The following GTF3C2 variants were observed in gnomAD, a reference collection of about 807,000 sequenced individuals.
GTF3C2 encodes the protein general transcription factor 3C polypeptide 2.
A neutral mutation model predicts 117.4 loss-of-function variants in GTF3C2; 17 were observed. That is an observed-to-expected ratio of 0.14 (90% CI 0.10 to 0.22). The LOEUF (loss-of-function observed/expected upper bound fraction) is 0.22, where lower values mean the gene tolerates loss of function less well. Ranked by LOEUF, GTF3C2 falls within the 10% of genes least tolerant of loss-of-function variation. The pLI, the probability that GTF3C2 is intolerant of heterozygous loss-of-function variation, is 1.00. For synonymous variants in GTF3C2, 437 were observed against 427.0 expected (o/e 1.02, Z -0.29); for missense variants, 888 against 1,143.6 (o/e 0.78, Z 3.22).
intron 8 of GTF3C2, 28 bp from the exon 9 acceptor site, chr2:27,336,056 T>C (rs1680463100): frequency 6.6e-7 from 1 of 1,515,478 alleles, no homozygotes; most frequent in Non-Finnish European, 9.2e-7. Context: ...GTGGGGATGG[T>C]GGGTAGGAAG....
At chr2:27,354,393 G>C (rs569625833) in intron 1 of GTF3C2, among the ~76,000 whole-genome samples, 9 of 152,324 alleles carry the variant, frequency 5.9e-5, no homozygotes, top group African/African-American at 2.2e-4. Context: ...AGCATTTAGA[G>C]AGGAAATAAG....
chr2:27,339,008 C>T (rs747020351), intron 4 of GTF3C2, among the ~76,000 whole-genome samples: 6 of 152,148 alleles, frequency 3.9e-5, no homozygotes, highest in African/African-American at 1.2e-4. Flanking sequence ...TTTACATTTC[C>T]GTCATGTAAA....
intron 1 of GTF3C2, among the ~76,000 whole-genome samples, chr2:27,355,602 G>C (rs1289811781): frequency 6.6e-6 from 1 of 151,928 alleles, no homozygotes. Context: ...TAAAGGAATA[G>C]ATGATCAGTA....
chr2:27,342,779 C>T (rs750129782), intron 3 of GTF3C2, 47 bp downstream of exon 3: 2 of 1,402,712 alleles, frequency 1.4e-6, no homozygotes, highest in South Asian at 2.5e-5. Flanking sequence ...CCACCCTGAT[C>T]CCTTCACCCA....
chr2:27,347,181 TGTCTGTGACAAAGG>T (rs1477833516), intron 1 of GTF3C2, among the ~76,000 whole-genome samples: 2 of 152,184 alleles, frequency 1.3e-5, no homozygotes, highest in African/African-American at 4.8e-5. Context: ...ATAACCTGCC[TGTCTGTGACAAAGG>T]GGCAGACATA....
At chr2:27,346,180 T>C (rs1680910006) in intron 1 of GTF3C2, among the ~76,000 whole-genome samples, 1 of 151,474 alleles carries the variant, frequency 6.6e-6, no homozygotes, top group Non-Finnish European at 1.5e-5. Context: ...TGTATCACCA[T>C]GCCTGGCTAA....
intron 12 of GTF3C2, among the ~76,000 whole-genome samples, chr2:27,330,123 A>G (rs1413921754): frequency 1.3e-5 from 2 of 149,124 alleles, no homozygotes; most frequent in Non-Finnish European, 3.0e-5. Flanking sequence ...CCTGAGTGAC[A>G]AGAGCAGACT....
In GTF3C2 at chr2:27,329,315, CAA is replaced by C. The variant is rs1163842723; in HGVS notation, c.1878-35_1878-34del. On this transcript the variant is annotated intron_variant, in intron 13 of 18. Coordinates refer to ENST00000264720, the Ensembl canonical transcript of GTF3C2. The surrounding 1 kb of genome is among the most constrained non-coding windows in gnomAD (Gnocchi z 4.5). ...AAGACGGGAGAAGGTCAAATCCAAA[CAA>C]ATCCGGAAGTCAGCCTGTCCCAGTC... 1 of 1,613,958 alleles carries C rather than the reference CAA, an allele frequency of 6.2e-7. No homozygotes were observed. The highest frequency in any genetic ancestry group is 8.5e-7 in the Non-Finnish European group (1 of 1,179,954).
At position 27,351,194 on chromosome 2, in the gene GTF3C2, C is replaced by T. The variant is rs558268027; in HGVS notation, c.-25+5545G>A. Among the ~76,000 whole-genome samples the T allele has an allele frequency of 1.8e-4, 27 of 152,198 alleles. 1 individual carries two copies. In the South Asian group the frequency reaches 5.4e-3, roughly 30 times the overall value. ...TGGGAGGCTGAAGAGGGCGGATCAC[C>T]TAAGGTCAGGAGTTTGAGACCAGCT... On this transcript the variant is annotated intron_variant, in intron 1 of 18. Transcript: ENST00000264720.
Position 27,335,665 on chromosome 2 carries a change from G to T in GTF3C2, c.1509C>A (p.Cys503Ter). The T allele has an allele frequency of 6.4e-7, 1 of 1,562,292 alleles. No homozygotes were observed. The highest frequency in any genetic ancestry group is 8.7e-7 in the Non-Finnish European group (1 of 1,152,342). ...TGAATAGCAGTACTTTCCCGTCTGA[G>T]CAGGCCAGAGCCAAGAGACCCAACC... The change falls in exon 10 of 19, where the codon TGC becomes TGA. Residue 503 changes from cysteine (C) to a stop codon, truncating the protein, a stop_gained. Transcript: ENST00000264720. LOFTEE classifies it high-confidence loss of function.
At chr2:27,344,822 A>G (rs1020946200) in intron 1 of GTF3C2, among the ~76,000 whole-genome samples, 1 of 151,978 alleles carries the variant, frequency 6.6e-6, no homozygotes, top group Non-Finnish European at 1.5e-5. Flanking sequence ...CATCTCTACA[A>G]AAAATTTTAA....
At chr2:27,336,471 G>T in intron 7 of GTF3C2, 46 bp from the exon 8 acceptor site, 1 of 1,215,766 alleles carries the variant, frequency 8.2e-7, no homozygotes, top group Non-Finnish European at 1.2e-6. Context: ...TTAATGAAAG[G>T]TAATGAGGAC....
rs1472725772 is a variant in GTF3C2 at position 27,343,073 on chromosome 2, G to A, written c.322C>T (p.Arg108Ter). 6.2e-7 allele frequency: 1 copy of A among 1,613,436 alleles called. No homozygotes were observed. The change falls in exon 3 of 19, where the codon CGA becomes TGA. Residue 108 changes from arginine (R) to a stop codon, truncating the protein, a stop_gained. Coordinates refer to ENST00000264720, the Ensembl canonical transcript of GTF3C2. LOFTEE classifies it high-confidence loss of function. ...TGTTGGGGCCTTTTGGGGCCTTTTC[G>A]TGTCCTACCACCTCTCTTCCGGCCA...
At chr2:27,333,214 G>A (rs913349192) in intron 12 of GTF3C2, among the ~76,000 whole-genome samples, 1 of 148,320 alleles carries the variant, frequency 6.7e-6, no homozygotes, top group African/African-American at 2.5e-5. Context: ...AGGCTGGAGT[G>A]CAGGGGTGTG....
intron 1 of GTF3C2, among the ~76,000 whole-genome samples, chr2:27,353,596 GC>G (rs1483981843): frequency 6.6e-6 from 1 of 151,972 alleles, no homozygotes; most frequent in East Asian, 1.9e-4. Flanking sequence ...GTGCCACCAT[GC>G]CCAGCTAAGT....
intron 1 of GTF3C2, among the ~76,000 whole-genome samples, chr2:27,348,324 C>T (rs996902525): frequency 6.6e-6 from 1 of 151,010 alleles, no homozygotes; most frequent in Non-Finnish European, 1.5e-5. Context: ...CCTGTAGTCC[C>T]AGCCACTCAG....
chr2:27,338,010 GGTTTCT>G, exon 5 of GTF3C2: 9 of 1,607,466 alleles, frequency 5.6e-6, no homozygotes, highest in Non-Finnish European at 6.8e-6. Context: ...TCGGCAGTGT[GGTTTCT>G]GTTTCTGAGG....
At chr2:27,342,377 G>A in intron 3 of GTF3C2, 144 bp from the exon 4 acceptor site, 1 of 674,002 alleles carries the variant, frequency 1.5e-6, no homozygotes, top group Non-Finnish European at 2.4e-6. Context: ...CTTCCCCCTT[G>A]GAAGATGAAA....
At position 27,333,158 on chromosome 2, in the gene GTF3C2, CTTTT is replaced by C. The variant is rs1199330474; in HGVS notation, c.1732+493_1732+496del. Among the ~76,000 whole-genome samples the C allele has an allele frequency of 1.1e-4, 14 of 130,168 alleles. No individual in the cohort carries two copies. In the South Asian group the frequency reaches 1.2e-3, roughly 11 times the overall value. 85.4% of individuals were successfully genotyped at this position (130,168 alleles called of 152,430 possible). On this transcript the variant is annotated intron_variant, in intron 12 of 18. Coordinates refer to ENST00000264720, the Ensembl canonical transcript of GTF3C2. Reference sequence around the variant, plus strand: ...CCACCACACCTGGCCGGCATCTACTCTTTTTTTTTTTTTTTTTTTTTCCAGACAG... The same window carrying C: ...CCACCACACCTGGCCGGCATCTACTCTTTTTTTTTTTTTTTTTCCAGACAG...
Sources: allele counts gnomAD v4.1 joint callset (sites outside exome capture counted in the v4.1 genomes callset), GRCh38; gene constraint gnomAD v4.1.1; non-coding constraint Gnocchi (gnomAD v3.1); transcripts MANE v1.5; gene names NCBI Gene and HGNC (gene_info 2026-07-23, HGNC 2026-07-21).